The following EDARADD variants were observed in gnomAD, a reference collection of about 807,000 sequenced individuals.
The protein encoded by EDARADD is EDAR associated via death domain, also known as ectodysplasin-A receptor-associated adapter protein.
A neutral mutation model predicts 25.6 loss-of-function variants in EDARADD; 20 were observed. That is an observed-to-expected ratio of 0.78 (90% CI 0.55 to 1.14). The LOEUF is 1.14. Among genes scored for constraint, EDARADD ranks in the 50% most tolerant of loss-of-function variants. The probability of loss-of-function intolerance (pLI) is 0.00; values close to 1 mark genes in which losing one functional copy is unlikely to be tolerated. For synonymous variants in EDARADD, 86 were observed against 94.4 expected, an observed-to-expected ratio of 0.91 and a Z score of 0.52; for missense variants, 225 against 270.1, an observed-to-expected ratio of 0.83 and a Z score of 1.17.
chr1:236,450,001 T>C (rs746342989), intron 4 of EDARADD, among the ~76,000 whole-genome samples: 2 of 151,886 alleles, frequency 1.3e-5, no homozygotes, highest in Non-Finnish European at 2.9e-5. Flanking sequence ...CTGGGGAGGC[T>C]GAGGCATGAG....
chr1:236,432,332 G>C (rs925023630), intron 4 of EDARADD, among the ~76,000 whole-genome samples: 14 of 151,528 alleles, frequency 9.2e-5, no homozygotes, highest in African/African-American at 3.4e-4. Flanking sequence ...GAGGTTGCAG[G>C]GAATGGAAAT....
At chr1:236,392,150 A>C (rs1667433583), upstream of EDARADD, among the ~76,000 whole-genome samples, 1 of 152,164 alleles carries the variant, frequency 6.6e-6, no homozygotes, top group Admixed American at 6.6e-5. Flanking sequence ...TGCATTAATG[A>C]ATGAAACCAA....
intron 3 of EDARADD, among the ~76,000 whole-genome samples, chr1:236,369,781 G>A (rs1026107782): frequency 6.6e-6 from 1 of 152,122 alleles, no homozygotes; most frequent in African/African-American, 2.4e-5. Context: ...GAGGTTCGGT[G>A]AGCCGAGATT....
chr1:236,466,919 T>G (rs1052887569), intron 4 of EDARADD, among the ~76,000 whole-genome samples: 6 of 151,920 alleles, frequency 3.9e-5, no homozygotes, highest in Non-Finnish European at 5.9e-5. Context: ...ATACAAAAAT[T>G]AGCCAGGCGT....
chr1:236,437,288 G>A (rs1658281267), intron 4 of EDARADD, among the ~76,000 whole-genome samples: 1 of 152,174 alleles, frequency 6.6e-6, no homozygotes, highest in Non-Finnish European at 1.5e-5. Context: ...CCTGTTAAAT[G>A]TCCCCTGCAT....
chr1:236,372,529 T>G (rs970792818), intron 3 of EDARADD, among the ~76,000 whole-genome samples: 1 of 152,200 alleles, frequency 6.6e-6, no homozygotes, highest in Non-Finnish European at 1.5e-5. Context: ...TTGTAGTTTC[T>G]CTTCTTGTAA....
At position 236,384,434 on chromosome 1, in the gene EDARADD, G is replaced by T. The variant is rs553336278; in HGVS notation, c.-5-24782G>T. ...TTTTGTTTTTAAAAGATGGGGTCTT[G>T]CTCTGGAGTGCAGTAGTGCAATCAT... is the stretch of plus-strand genomic sequence containing the variant. On this transcript the variant is annotated intron_variant, in intron 3 of 7. Transcript: ENST00000439430. Among the ~76,000 whole-genome samples the T allele has an allele frequency of 1.1e-3, 168 of 152,120 alleles. 1 individual carries two copies. Among genetic ancestry groups the T allele is most frequent in the Non-Finnish European group, 2.2e-3 (150 of 68,018 alleles).
At chr1:236,434,202 C>A (rs1400271786) in intron 4 of EDARADD, among the ~76,000 whole-genome samples, 1 of 152,074 alleles carries the variant, frequency 6.6e-6, no homozygotes, top group African/African-American at 2.4e-5. Context: ...CACAGCCCAA[C>A]ACAAATCTGT....
At position 236,395,666 on chromosome 1, in the gene EDARADD, G is replaced by T; in HGVS notation, c.61+1161G>T. 5.7e-6 allele frequency: 9 copies of T among 1,571,208 alleles called. No homozygotes were observed. The highest frequency in any genetic ancestry group is 7.7e-6 in the Non-Finnish European group (9 of 1,161,742). On this transcript the variant is annotated intron_variant, in intron 1 of 5. Transcript: ENST00000334232. The surrounding 1 kb of genome is among the most constrained non-coding windows in gnomAD (Gnocchi z 6.9). ...GGACGACCCTCTGCGCGCAGGTAAA[G>T]GGACACAGCGCCGCGCCCGCTCCTG...
At chr1:236,405,791 T>TTCTTTCC (rs1667707770) in intron 1 of EDARADD, among the ~76,000 whole-genome samples, 2 of 23,710 alleles carry the variant, frequency 8.4e-5, no homozygotes, top group African/African-American at 1.5e-4. Context: ...CTTTCTTTCT[T>TTCTTTCC]TTCTTTTTCT....
At chr1:236,463,521 G>A (rs921048939) in intron 4 of EDARADD, among the ~76,000 whole-genome samples, 21 of 152,192 alleles carry the variant, frequency 1.4e-4, no homozygotes, top group Admixed American at 8.5e-4. Flanking sequence ...TCGAACTCCC[G>A]ACCTCAGGTG....
chr1:236,407,175 G>A (rs1278531858), intron 1 of EDARADD, among the ~76,000 whole-genome samples: 1 of 152,166 alleles, frequency 6.6e-6, no homozygotes, highest in African/African-American at 2.4e-5. Context: ...GTCCTGGCCT[G>A]AGAAGTCCCT....
chr1:236,479,906 A>C (rs1659621693), intron 5 of EDARADD, among the ~76,000 whole-genome samples: 1 of 86,388 alleles, frequency 1.2e-5, no homozygotes, highest in Non-Finnish European at 2.6e-5. Context: ...AAATTGACTG[A>C]GTGTGATGGT....
At chr1:236,373,476 G>A (rs746700118) in intron 3 of EDARADD, among the ~76,000 whole-genome samples, 1 of 152,230 alleles carries the variant, frequency 6.6e-6, no homozygotes, top group East Asian at 1.9e-4. Flanking sequence ...GAATTGCTGG[G>A]ATTACAGGCA....
chr1:236,409,175 A>G lies in EDARADD; in HGVS notation c.62-41A>G, dbSNP rs669710. 0.57 allele frequency: 870,033 copies of G among 1,536,620 alleles called. 252,163 individuals carry two copies. Among genetic ancestry groups the G allele is most frequent in the Non-Finnish European group, 0.6 (667,591 of 1,116,280 alleles). On this transcript the variant is annotated intron_variant, in intron 1 of 5. Transcript: ENST00000334232. Reference sequence around the variant, plus strand: ...GGACTCATTTGTGGTTTTAAATTAAAGCAAACCCGCTCTATTTGTTTGTTT... The same window carrying G: ...GGACTCATTTGTGGTTTTAAATTAAGGCAAACCCGCTCTATTTGTTTGTTT...
At chr1:236,461,456 C>G (rs1298582455) in intron 4 of EDARADD, among the ~76,000 whole-genome samples, 1 of 152,080 alleles carries the variant, frequency 6.6e-6, no homozygotes, top group Non-Finnish European at 1.5e-5. Flanking sequence ...AAATGAGTTC[C>G]CTGTAGGTGT....
intron 5 of EDARADD, among the ~76,000 whole-genome samples, chr1:236,475,932 C>T (rs55819118): frequency 0.066 from 9,957 of 151,888 alleles, 476 homozygotes; most frequent in Non-Finnish European, 0.092. Context: ...GGCTCATGCC[C>T]GTAATCCTAG....
chr1:236,402,591 A>C (rs1363271258), intron 1 of EDARADD, among the ~76,000 whole-genome samples: 1 of 152,024 alleles, frequency 6.6e-6, no homozygotes, highest in African/African-American at 2.4e-5. Context: ...ATTTTAAATA[A>C]GTAGAAATGA....
intron 4 of EDARADD, among the ~76,000 whole-genome samples, chr1:236,458,470 G>A (rs1233971591): frequency 6.6e-6 from 1 of 152,146 alleles, no homozygotes; most frequent in Non-Finnish European, 1.5e-5. Context: ...AAGGAATCAG[G>A]AAGGAAGTAC....
Sources: gnomAD v4.1 joint callset for allele counts (sites outside exome capture counted in the v4.1 genomes callset) on GRCh38, gnomAD v4.1.1 for gene constraint, Gnocchi (gnomAD v3.1) non-coding constraint, MANE v1.5 for transcripts, NCBI Gene and HGNC (gene_info 2026-07-23, HGNC 2026-07-21) for gene names.